The following ECI1 variants were observed in gnomAD, a reference collection of about 807,000 sequenced individuals.
ECI1 encodes the protein enoyl-CoA delta isomerase 1, also known as enoyl-CoA delta isomerase 1, mitochondrial.
ECI1 carries 34 observed loss-of-function variants against 34.2 expected under a neutral mutation model. That is an observed-to-expected ratio of 1.00 (90% confidence interval 0.76 to 1.33). ECI1 has a LOEUF of 1.33. Ranked by LOEUF, ECI1 falls within the 40% of genes most tolerant of loss-of-function variation. The pLI, the probability that ECI1 is intolerant of heterozygous loss-of-function variation, is 0.00. For missense variants in ECI1, 456 were observed against 422.2 expected (o/e 1.08, Z -0.70); for synonymous variants, 211 against 193.0 (o/e 1.09, Z -0.77).
chr16:2,239,956 G>GT lies in ECI1; in HGVS notation c.*22dup, dbSNP rs755047158. The GT allele has an allele frequency of 1.2e-6, 2 of 1,613,070 alleles. No homozygotes were observed. Among genetic ancestry groups the GT allele is most frequent in the Admixed American group, 3.3e-5 (2 of 60,030 alleles). ...GGGACCCACAGGGGCACGTGTGGCC[G>GT]TAAGCCTGTGGCAGCCCAATCGTTA... On this transcript the variant is annotated 3_prime_UTR_variant, in exon 7 of 7. Coordinates refer to ENST00000301729, the MANE Select transcript of ECI1 (RefSeq NM_001919.4).
chr16:2,243,626 T>C (rs1222022902), intron 4 of ECI1, among the ~76,000 whole-genome samples, 187 bp from the exon 5 acceptor site: 2 of 152,164 alleles, frequency 1.3e-5, no homozygotes, highest in African/African-American at 2.4e-5. Flanking sequence ...ACTGGCCCCT[T>C]AGCGCTCGGC....
chr16:2,248,964 G>A (rs926711364), intron 2 of ECI1, among the ~76,000 whole-genome samples: 4 of 152,028 alleles, frequency 2.6e-5, no homozygotes, highest in African/African-American at 7.3e-5. Context: ...CTTTGTTGTC[G>A]GCTTTGTCCA....
intron 2 of ECI1, among the ~76,000 whole-genome samples, chr16:2,248,400 A>G (rs867348332): frequency 1.1e-4 from 17 of 148,022 alleles, no homozygotes; most frequent in African/African-American, 4.0e-4. Context: ...TGCCCGGCCA[A>G]ATTAACCATT....
Position 2,240,514 on chromosome 16 carries a change from A to AT in ECI1, c.743-370dup, listed in dbSNP as rs1275855732. The AT allele has an allele frequency of 9.9e-4, 259 of 261,236 alleles. 1 individual carries two copies. The highest frequency in any genetic ancestry group is 3.8e-3 in the African/African-American group (164 of 43,714). 16.2% of individuals were successfully genotyped at this position (261,236 alleles called of 1,614,324 possible). A position where few individuals can be genotyped will look rare whatever the true frequency, so the allele number is the denominator to read the frequency against. ...GCATGAGCCAGCACGCCCGGCCCTA[A>AT]TTTTTTTTTGTTTTGTTTTGTTTTT... is the stretch of plus-strand genomic sequence containing the variant. On this transcript the variant is annotated intron_variant, in intron 6 of 6. Transcript: ENST00000301729.
rs1440375494 is a variant in ECI1, at chr16:2,239,998, A to G, written c.890T>C (p.Leu297Pro). ...CAATCGTTAGCCTTTTTCTTCTTTG[A>G]GCCTCTCTAAGTACATCTGCAGGGA... ...QKSLQMYLER[L>P]KEEKG Residue 297 changes from leucine to proline, a missense_variant, in exon 7 of 7, where the codon CTC becomes CCC. Transcript: ENST00000301729. The G allele has an allele frequency of 6.2e-7, 1 of 1,613,680 alleles. No individual in the cohort carries two copies. The highest frequency in any genetic ancestry group is 2.2e-5 in the East Asian group (1 of 44,892).
At chr16:2,245,752 C>T (rs2093538870) in intron 3 of ECI1, among the ~76,000 whole-genome samples, 1 of 152,196 alleles carries the variant, frequency 6.6e-6, no homozygotes, top group East Asian at 1.9e-4. Flanking sequence ...ATGGCTCGCA[C>T]CTGTAATCCT....
At chr16:2,244,040 G>A (rs765534397) in intron 4 of ECI1, 18 of 367,704 alleles carry the variant, frequency 4.9e-5, no homozygotes, top group Middle Eastern at 9.0e-4. Flanking sequence ...TTAAGCCCCC[G>A]TGTTGTTCTC....
Position 2,249,206 on chromosome 16 carries a change from C to T in ECI1, c.166+2110G>A, listed in dbSNP as rs553840790. Among the ~76,000 whole-genome samples, 145 of 152,024 alleles carry T rather than the reference C, an allele frequency of 9.5e-4. 1 individual carries two copies. The highest frequency in any genetic ancestry group is 3.2e-3 in the African/African-American group (133 of 41,486). On this transcript the variant is annotated intron_variant, in intron 2 of 6. Transcript: ENST00000301729. ...GACTACAGGTGCCCGCCACCACGCC[C>T]GGCTAATTTTTTTTTGTATTTTTTA... is the stretch of plus-strand genomic sequence containing the variant.
In ECI1 at chr16:2,243,347, C is replaced by A; in HGVS notation, c.534G>T (p.Glu178Asp). 6.2e-7 allele frequency: 1 copy of A among 1,613,732 alleles called. No homozygotes were observed. The highest frequency in any genetic ancestry group is 8.5e-7 in the Non-Finnish European group (1 of 1,180,020). The change falls in exon 5 of 7, where the codon GAG (glutamate) becomes GAT (aspartate). Residue 178 changes from glutamate to aspartate, a missense_variant. Coordinates refer to ENST00000301729, the MANE Select transcript of ECI1 (RefSeq NM_001919.4). ...AAGGGGCGATGATGCCCAGCTGGGT[C>A]TCATTGAGTCCTATGCAGTACCTGG... ...DNPRYCIGLN[E>D]TQLGIIAPFW...
At chr16:2,250,461 G>A (rs951352962) in intron 2 of ECI1, among the ~76,000 whole-genome samples, 8 of 152,112 alleles carry the variant, frequency 5.3e-5, no homozygotes, top group African/African-American at 1.9e-4. Context: ...GGGAGGGCAG[G>A]GGCTGTGACT....
At chr16:2,244,368 A>G in intron 4 of ECI1, 38 bp downstream of exon 4, 5 of 1,605,574 alleles carry the variant, frequency 3.1e-6, no homozygotes, top group Non-Finnish European at 4.3e-6. Flanking sequence ...GCTGGCCCAG[A>G]ACAGCCAGCG....
rs2093523305 is a variant in ECI1, at chr16:2,239,739, A to G, written c.*240T>C. ...CAGGTCCAGAATGGCATCCCCTGCC[A>G]GTCACAATCCCAAGTCAAAAGGCTG... is the stretch of plus-strand genomic sequence containing the variant. On this transcript the variant is annotated 3_prime_UTR_variant, in exon 7 of 7. Transcript: ENST00000301729. 3.6e-6 allele frequency: 2 copies of G among 553,478 alleles called. No individual in the cohort carries two copies. The highest frequency in any genetic ancestry group is 6.5e-6 in the Non-Finnish European group (2 of 307,184). The allele number at this position is 553,478 out of a possible 1,614,324, so 34.3% of individuals were successfully genotyped here. A position where few individuals can be genotyped will look rare whatever the true frequency, so the allele number is the denominator to read the frequency against.
At position 2,239,497 on chromosome 16, in the gene ECI1, G is replaced by C. The variant is rs1163016118; in HGVS notation, c.*482C>G. On this transcript the variant is annotated 3_prime_UTR_variant, in exon 7 of 7. Transcript: ENST00000301729. Reference sequence around the variant, plus strand: ...CAGAGTCCCACTCCCGCTGGCTCAGGATCCCCCAGTTGCTCTGATTCACTG... The same window carrying C: ...CAGAGTCCCACTCCCGCTGGCTCAGCATCCCCCAGTTGCTCTGATTCACTG... 1 of 190,098 alleles carries C rather than the reference G, an allele frequency of 5.3e-6. No homozygotes were observed. 11.8% of individuals were successfully genotyped at this position (190,098 alleles called of 1,614,324 possible).
chr16:2,249,731 A>T (rs1260530943), intron 2 of ECI1, among the ~76,000 whole-genome samples: 5 of 151,524 alleles, frequency 3.3e-5, no homozygotes, highest in African/African-American at 1.2e-4. Context: ...AAAAAAAATT[A>T]GCCGGGCGTG....
chr16:2,251,346 G>C lies in ECI1; in HGVS notation c.136C>G (p.Arg46Gly). The C allele has an allele frequency of 2.4e-6, 3 of 1,248,418 alleles. No homozygotes were observed. In the South Asian group the frequency reaches 8.7e-5, roughly 36 times the overall value. The allele number at this position is 1,248,418 out of a possible 1,614,324, so 77.3% of individuals were successfully genotyped here. A position where few individuals can be genotyped will look rare whatever the true frequency, so the allele number is the denominator to read the frequency against. The change falls in exon 2 of 7, where the codon CGG (arginine) becomes GGG (glycine). Residue 46 changes from arginine to glycine, a missense_variant. Arg to Gly is a moderately radical substitution (Grantham distance 125). Coordinates refer to ENST00000301729, the MANE Select transcript of ECI1 (RefSeq NM_001919.4). ...CCCGCGTCCGGCTCCACCAGCACCC[G>C]CTGGCTCCCGAAGCGCCGCGCGCCG... ...GDGARRFGSQRVLVEPDAGAG... is the reference protein window; with the variant it reads ...GDGARRFGSQGVLVEPDAGAG...
intron 2 of ECI1, among the ~76,000 whole-genome samples, chr16:2,247,893 C>T (rs1173771586): frequency 2.0e-5 from 3 of 151,556 alleles, no homozygotes; most frequent in African/African-American, 7.3e-5. Context: ...TTTTTTAGTA[C>T]AGACGAGGTC....
chr16:2,251,216 C>T (rs2093552570), intron 2 of ECI1, 100 bp downstream of exon 2: 1 of 437,576 alleles, frequency 2.3e-6, no homozygotes, highest in Non-Finnish European at 3.3e-6. Flanking sequence ...TAAACACAAA[C>T]CGAGCGTCGA....
intron 2 of ECI1, among the ~76,000 whole-genome samples, chr16:2,249,651 C>G (rs2093548099): frequency 6.7e-6 from 1 of 149,636 alleles, no homozygotes; most frequent in African/African-American, 2.5e-5. Flanking sequence ...GCGGGTGGAT[C>G]ACGAGGTCAG....
At chr16:2,246,832 G>A in intron 3 of ECI1, 27 bp downstream of exon 3, 1 of 1,611,546 alleles carries the variant, frequency 6.2e-7, no homozygotes, top group Non-Finnish European at 8.5e-7. Context: ...AACTCGGGCT[G>A]GGGTAGGGAG....
Sources: gnomAD v4.1 joint callset for allele counts (sites outside exome capture counted in the v4.1 genomes callset) on GRCh38, gnomAD v4.1.1 for gene constraint, MANE v1.5 for transcripts, NCBI Gene and HGNC (gene_info 2026-07-23, HGNC 2026-07-21) for gene names.